CHD9: variants seen among roughly 807,000 people sequenced by gnomAD.
The protein encoded by CHD9 is chromodomain helicase DNA binding protein 9.
In CHD9, 77 loss-of-function variants were observed where a neutral mutation model predicts 316.1. The ratio of observed to expected loss-of-function variants is 0.24; its 90% CI spans 0.20 to 0.29. The LOEUF (loss-of-function observed/expected upper bound fraction) is 0.29, where lower values mean the gene tolerates loss of function less well. Ranked by LOEUF, CHD9 falls within the 10% of genes least tolerant of loss-of-function variation. CHD9 has a pLI of 1.00. For missense variants in CHD9, 2,763 were observed against 3,438.1 expected (o/e 0.80, Z 4.91); for synonymous variants, 1,129 against 1,158.3 (o/e 0.97, Z 0.51).
intron 1 of CHD9, among the ~76,000 whole-genome samples, chr16:53,145,741 A>G (rs557532540): frequency 9.9e-5 from 15 of 152,050 alleles, no homozygotes; most frequent in African/African-American, 3.4e-4. Context: ...GGGATTTGCT[A>G]TCCAGACATC....
In CHD9 at chr16:53,273,793, T is replaced by G. The variant is rs1288345492; in HGVS notation, c.4877+8T>G. The G allele has an allele frequency of 6.3e-7, 1 of 1,591,358 alleles. No homozygotes were observed. The highest frequency in any genetic ancestry group is 8.6e-7 in the Non-Finnish European group (1 of 1,168,880). ...AAAACACCACTGTAATAAGTAGGTA[T>G]AGGGTATTTTAAACACAACTCTTTA... On this transcript the variant is annotated splice_region_variant and intron_variant, in intron 23 of 38. Transcript: ENST00000447540.
intron 24 of CHD9, among the ~76,000 whole-genome samples, chr16:53,284,114 T>G (rs2053652761): frequency 6.6e-6 from 1 of 152,076 alleles, no homozygotes; most frequent in African/African-American, 2.4e-5. Context: ...CCACAGAACT[T>G]GTCAATAGGA....
At chr16:53,269,737 T>C (rs2052048787) in intron 22 of CHD9, among the ~76,000 whole-genome samples, 2 of 152,110 alleles carry the variant, frequency 1.3e-5, no homozygotes, top group Admixed American at 1.3e-4. Flanking sequence ...AAATAAATTA[T>C]CGGATTAGGA....
chr16:53,170,746 G>A (rs913750134), intron 2 of CHD9, among the ~76,000 whole-genome samples: 1 of 152,024 alleles, frequency 6.6e-6, no homozygotes, highest in African/African-American at 2.4e-5. Flanking sequence ...CTGATATTGA[G>A]CGAAGGGATT....
intron 36 of CHD9, among the ~76,000 whole-genome samples, chr16:53,315,661 T>C (rs140261858): frequency 3.1e-4 from 47 of 152,192 alleles, no homozygotes; most frequent in African/African-American, 1.0e-3. Context: ...GTATTTTTCA[T>C]AGAAACAGGG....
chr16:53,209,487 A>C lies in CHD9; in HGVS notation c.1458A>C (p.Pro486=), dbSNP rs745834744. The C allele has an allele frequency of 2.5e-6, 4 of 1,594,608 alleles. No individual in the cohort carries two copies. The highest frequency in any genetic ancestry group is 3.4e-6 in the Non-Finnish European group (4 of 1,171,538). Residue 486 remains proline, a synonymous_variant, in exon 3 of 39, where the codon CCA becomes CCC. Coordinates refer to ENST00000447540, the MANE Select transcript of CHD9 (RefSeq NM_001308319.2). The stretch of plus-strand genomic sequence containing the variant: ...AAATATTTTTGTTTCTGTAGCCTCC[A>C]TCTTCCAAGAAGAGCGATGGTTCTG... The part of the protein sequence containing the change: ...RNHLCLQRQP[P]SSKKSDGSGT...
intron 2 of CHD9, among the ~76,000 whole-genome samples, chr16:53,193,872 A>G (rs760620936): frequency 1.1e-4 from 16 of 152,200 alleles, no homozygotes; most frequent in Non-Finnish European, 1.9e-4. Flanking sequence ...TTAGAGATAC[A>G]AATTGAATGT....
At chr16:53,140,648 A>G (rs933577090) in intron 1 of CHD9, among the ~76,000 whole-genome samples, 1 of 152,142 alleles carries the variant, frequency 6.6e-6, no homozygotes, top group Non-Finnish European at 1.5e-5. Context: ...GTGCAGTAGC[A>G]TCGATCGTAG....
chr16:53,107,498 TAAAATA>T (rs2037460646), intron 1 of CHD9, among the ~76,000 whole-genome samples: 2 of 139,470 alleles, frequency 1.4e-5, no homozygotes, highest in Admixed American at 7.0e-5. Context: ...ATAAATAAAA[TAAAATA>T]AAATAAAATA....
rs565563734 is a variant in CHD9 at position 53,153,957 on chromosome 16, C to T, written c.-164-1969C>T. On this transcript the variant is annotated intron_variant, in intron 1 of 38. Transcript: ENST00000447540. ...TATCTGTATGCTAGCTGGTAAGGTG[C>T]CCAGGAAAGGGGAGATCAGATCAAA... is the stretch of plus-strand genomic sequence containing the variant. Among the ~76,000 whole-genome samples, 8 of 152,014 alleles carry T rather than the reference C, an allele frequency of 5.3e-5. No homozygotes were observed. The South Asian group carries it at 1.7e-3, about 32-fold the overall frequency.
intron 2 of CHD9, among the ~76,000 whole-genome samples, chr16:53,201,284 A>G (rs1469307770): frequency 6.6e-6 from 1 of 152,242 alleles, no homozygotes; most frequent in Non-Finnish European, 1.5e-5. Flanking sequence ...TTGGAAAAGT[A>G]CTGCATACTA....
chr16:53,291,619 T>A (rs2054343538), intron 27 of CHD9, 106 bp from the exon 28 acceptor site: 1 of 691,258 alleles, frequency 1.4e-6, no homozygotes, highest in Non-Finnish European at 2.4e-6. Context: ...AACATTCCAT[T>A]GGGGGAGAAA....
chr16:53,130,447 T>A (rs2039174232), intron 1 of CHD9, among the ~76,000 whole-genome samples: 1 of 151,246 alleles, frequency 6.6e-6, no homozygotes, highest in African/African-American at 2.4e-5. Context: ...GGCTGGGGCG[T>A]GCCCTGCCGG....
intron 1 of CHD9, among the ~76,000 whole-genome samples, chr16:53,105,006 A>C (rs1001342443): frequency 2.0e-5 from 3 of 151,892 alleles, no homozygotes; most frequent in African/African-American, 7.3e-5. Flanking sequence ...CAAAAAAACA[A>C]AAAAAACACA....
At chr16:53,208,606 G>A (rs1347419042) in intron 2 of CHD9, 3 of 1,001,244 alleles carry the variant, frequency 3.0e-6, no homozygotes, top group East Asian at 1.1e-4. Context: ...GATGAGGCAG[G>A]TATAGAAAAA....
At chr16:53,155,309 A>G (rs762825811) in intron 1 of CHD9, among the ~76,000 whole-genome samples, 23 of 151,938 alleles carry the variant, frequency 1.5e-4, no homozygotes, top group African/African-American at 5.3e-4. Context: ...TGCAGCCTCA[A>G]CCTCTCAGGC....
At chr16:53,172,654 C>T (rs1032491969) in intron 2 of CHD9, among the ~76,000 whole-genome samples, 1 of 152,124 alleles carries the variant, frequency 6.6e-6, no homozygotes, top group Non-Finnish European at 1.5e-5. Flanking sequence ...GAGTTCCGTT[C>T]GCTCCACATC....
chr16:53,098,188 G>A (rs1416274354), intron 1 of CHD9, among the ~76,000 whole-genome samples: 6 of 151,992 alleles, frequency 3.9e-5, no homozygotes, highest in Non-Finnish European at 8.8e-5. Context: ...AGAAAAGCTG[G>A]GAGGCAGACA....
intron 22 of CHD9, among the ~76,000 whole-genome samples, chr16:53,272,032 C>T (rs185435391): frequency 3.9e-4 from 60 of 151,968 alleles, no homozygotes; most frequent in African/African-American, 1.4e-3. Context: ...ATGTATGCAG[C>T]CTATGTATAT....
Sources: gnomAD v4.1 joint callset for allele counts (sites outside exome capture counted in the v4.1 genomes callset) on GRCh38, gnomAD v4.1.1 for gene constraint, MANE v1.5 for transcripts, NCBI Gene and HGNC (gene_info 2026-07-23, HGNC 2026-07-21) for gene names.